Variants in DENND1B observed in about 807,000 individuals in gnomAD.
The protein encoded by DENND1B is DENN domain-containing protein 1B.
DENND1B carries 59 observed loss-of-function variants against 90.1 expected under a neutral mutation model. That is an observed-to-expected ratio of 0.65 (90% confidence interval 0.53 to 0.81). The LOEUF (loss-of-function observed/expected upper bound fraction) is 0.81, where lower values mean the gene tolerates loss of function less well. Among genes scored for constraint, DENND1B ranks in the 40% least tolerant of loss-of-function variants. The pLI, the probability that DENND1B is intolerant of heterozygous loss-of-function variation, is 0.00. For missense variants in DENND1B, 862 were observed against 912.6 expected (o/e 0.94, Z 0.71); for synonymous variants, 337 against 324.6 (o/e 1.04, Z -0.41).
At chr1:197,513,032 G>C (rs1668142404) in intron 20 of DENND1B, 79 bp from the exon 21 acceptor site, 1 of 1,220,526 alleles carries the variant, frequency 8.2e-7, no homozygotes, top group Admixed American at 2.4e-5. Context: ...GCAACAATGT[G>C]ATTTCATAAG....
At chr1:197,633,901 G>A (rs1389160191) in intron 10 of DENND1B, among the ~76,000 whole-genome samples, 1 of 152,146 alleles carries the variant, frequency 6.6e-6, no homozygotes, top group Non-Finnish European at 1.5e-5. Context: ...CTTTATAGTA[G>A]TCTGCTGCGA....
At chr1:197,636,743 T>C (rs1679828949) in intron 10 of DENND1B, among the ~76,000 whole-genome samples, 1 of 152,110 alleles carries the variant, frequency 6.6e-6, no homozygotes. Context: ...GAAAATAATA[T>C]CTGTGGGAAG....
At chr1:197,653,133 C>T (rs1399936834) in intron 6 of DENND1B, among the ~76,000 whole-genome samples, 3 of 151,720 alleles carry the variant, frequency 2.0e-5, no homozygotes, top group African/African-American at 7.3e-5. Context: ...CTTAATAAAT[C>T]AGAACTCTGT....
rs1403772191 is a variant in DENND1B, at chr1:197,720,289, TAC to T, written c.83-5217_83-5216del. 6.6e-5 allele frequency among the ~76,000 whole-genome samples: 10 copies of T among 152,142 alleles called. No individual in the cohort carries two copies. In the Middle Eastern group the frequency reaches 0.017, roughly 259 times the overall value. ...TCTCACTCTGTCACCCAGGGTAGAG[TAC>T]AGTGGCATGAGCATGGCTCACTGCA... On this transcript the variant is annotated intron_variant, in intron 2 of 22. Transcript: ENST00000620048.
intron 16 of DENND1B, chr1:197,552,417 T>C: frequency 1.0e-6 from 1 of 985,318 alleles, no homozygotes; most frequent in East Asian, 1.1e-4. Flanking sequence ...TGCAAAAATA[T>C]CAGTTTGTAA....
Position 197,540,040 on chromosome 1 carries a change from C to A in DENND1B, c.1439G>T (p.Ser480Ile). Residue 480 changes from serine to isoleucine, a missense_variant, in exon 20 of 23, where the codon AGT becomes ATT. Coordinates refer to ENST00000620048, the MANE Select transcript of DENND1B (RefSeq NM_001195215.2). ...ENEEDYGTCSSSVQYTPVYKL... is the reference protein window; with the variant it reads ...ENEEDYGTCSISVQYTPVYKL... Reference sequence around the variant, plus strand: ...GTAAACTGGTGTATATTGTACAGAACTAGAACAGGTCCCATAATCTTCTTC... The same window carrying A: ...GTAAACTGGTGTATATTGTACAGAAATAGAACAGGTCCCATAATCTTCTTC... The A allele has an allele frequency of 6.2e-7, 1 of 1,611,726 alleles. No homozygotes were observed. Among genetic ancestry groups the A allele is most frequent in the East Asian group, 2.2e-5 (1 of 44,714 alleles).
chr1:197,761,235 T>C (rs976445636), intron 2 of DENND1B, among the ~76,000 whole-genome samples: 4 of 152,202 alleles, frequency 2.6e-5, no homozygotes, highest in Non-Finnish European at 5.9e-5. Flanking sequence ...CTTCATTAAC[T>C]GCTTATAATT....
chr1:197,677,339 A>G (rs1230834005), intron 3 of DENND1B, among the ~76,000 whole-genome samples: 6 of 152,142 alleles, frequency 3.9e-5, no homozygotes, highest in African/African-American at 1.4e-4. Context: ...GGCTCTAACT[A>G]CTTTCTGGTA....
At chr1:197,539,739 C>T (rs890251807) in intron 20 of DENND1B, among the ~76,000 whole-genome samples, 1 of 152,168 alleles carries the variant, frequency 6.6e-6, no homozygotes, top group Non-Finnish European at 1.5e-5. Flanking sequence ...ACTATGAGAT[C>T]TATGAGGGCA....
At chr1:197,734,438 AG>A (rs1243103142) in intron 2 of DENND1B, 1 of 984,854 alleles carries the variant, frequency 1.0e-6, no homozygotes, top group East Asian at 1.1e-4. Context: ...TTAAACCAAT[AG>A]CAACAACAAA....
At chr1:197,728,778 T>C (rs1432073880) in intron 2 of DENND1B, among the ~76,000 whole-genome samples, 2 of 152,202 alleles carry the variant, frequency 1.3e-5, no homozygotes, top group Non-Finnish European at 2.9e-5. Context: ...AGTGGCTCAC[T>C]ACTGCTTAAC....
chr1:197,623,348 G>T (rs959218739), intron 10 of DENND1B, among the ~76,000 whole-genome samples: 2 of 151,358 alleles, frequency 1.3e-5, no homozygotes. Context: ...TAAAAAATTA[G>T]TGGAAACCAT....
At chr1:197,665,630 T>A (rs1051675978) in intron 5 of DENND1B, among the ~76,000 whole-genome samples, 1 of 152,140 alleles carries the variant, frequency 6.6e-6, no homozygotes, top group African/African-American at 2.4e-5. Context: ...AAATATTCTA[T>A]CAATTTGTAC....
chr1:197,733,214 G>A (rs1281381163), intron 2 of DENND1B, among the ~76,000 whole-genome samples: 1 of 152,030 alleles, frequency 6.6e-6, no homozygotes, highest in Non-Finnish European at 1.5e-5. Context: ...TTATAGTGTG[G>A]TCTGCAATAT....
In DENND1B at chr1:197,770,727, AAT is replaced by A. The variant is rs1461462500; in HGVS notation, c.82+2139_82+2140del. On this transcript the variant is annotated intron_variant, in intron 2 of 22. Transcript: ENST00000620048. The stretch of plus-strand genomic sequence containing the variant: ...ATAAATATATAAATATATATCTATA[AAT>A]ATATATAAATATATATATCTATAAA... Among the ~76,000 whole-genome samples the A allele has an allele frequency of 1.3e-4, 18 of 140,920 alleles. No individual in the cohort carries two copies. In the East Asian group the frequency reaches 2.2e-3, roughly 17 times the overall value. 92.4% of individuals were successfully genotyped at this position (140,920 alleles called of 152,430 possible). A position where few individuals can be genotyped will look rare whatever the true frequency, so the allele number is the denominator to read the frequency against.
chr1:197,749,677 A>C (rs1314552067), intron 2 of DENND1B, among the ~76,000 whole-genome samples: 25 of 152,214 alleles, frequency 1.6e-4, no homozygotes, highest in Admixed American at 1.5e-3. Flanking sequence ...TCAAATTTAC[A>C]TAAAGGAAGA....
chr1:197,664,558 A>G (rs954352698), intron 5 of DENND1B, among the ~76,000 whole-genome samples: 4 of 152,224 alleles, frequency 2.6e-5, no homozygotes, highest in Middle Eastern at 6.8e-3. Flanking sequence ...TTCTACTTCC[A>G]CTATAGAGCT....
chr1:197,763,183 C>A (rs949315831), intron 2 of DENND1B, among the ~76,000 whole-genome samples: 1 of 152,134 alleles, frequency 6.6e-6, no homozygotes, highest in Non-Finnish European at 1.5e-5. Context: ...TGGTGACATA[C>A]GCCTGTAGTA....
chr1:197,510,658 A>T lies in DENND1B; in HGVS notation c.2130T>A (p.Ile710=). 1 of 1,612,854 alleles carries T rather than the reference A, an allele frequency of 6.2e-7. No homozygotes were observed. The highest frequency in any genetic ancestry group is 8.5e-7 in the Non-Finnish European group (1 of 1,179,236). ...GACCGGGTATAAGCAGATCATCTGA[A>T]ATCTGGCTTAGTGTTTCCCTCTTTT... ...KTEKRETLSQ[I]SDDLLIPGLG... is the part of the protein sequence containing the mutation. Residue 710 remains isoleucine (I), a synonymous_variant, in exon 23 of 23, where the codon ATT becomes ATA. Transcript: ENST00000620048.
Sources: allele counts gnomAD v4.1 joint callset (sites outside exome capture counted in the v4.1 genomes callset), GRCh38; gene constraint gnomAD v4.1.1; transcripts MANE v1.5; gene names NCBI Gene and HGNC (gene_info 2026-07-23, HGNC 2026-07-21).